Variants in FTCD observed in about 807,000 individuals in gnomAD.
The protein encoded by FTCD is formimidoyltransferase-cyclodeaminase.
A neutral mutation model predicts 62.9 loss-of-function variants in FTCD; 76 were observed. The observed-to-expected ratio is 1.21, with a 90% confidence interval of 1.00 to 1.46. The LOEUF (loss-of-function observed/expected upper bound fraction) is 1.46, where lower values mean the gene tolerates loss of function less well. Among genes scored for constraint, FTCD ranks in the 40% most tolerant of loss-of-function variants. FTCD has a pLI of 0.00. For synonymous variants in FTCD, 397 were observed against 336.9 expected, an observed-to-expected ratio of 1.18 and a Z score of -1.95; for missense variants, 845 against 751.3, an observed-to-expected ratio of 1.12 and a Z score of -1.46.
intron 11 of FTCD, 85 bp from the exon 12 acceptor site, chr21:46,138,731 G>T: frequency 6.7e-7 from 1 of 1,503,630 alleles, no homozygotes. Context: ...GGCTGAGCAG[G>T]CTGCAGAAGC....
chr21:46,151,162 A>G (rs1424560129), intron 5 of FTCD, among the ~76,000 whole-genome samples: 1 of 152,076 alleles, frequency 6.6e-6, no homozygotes, highest in Non-Finnish European at 1.5e-5. Flanking sequence ...CGTGGAGGGA[A>G]AGGCCTGGGG....
intron 7 of FTCD, among the ~76,000 whole-genome samples, chr21:46,148,440 T>C (rs2079198100): frequency 6.6e-6 from 1 of 152,002 alleles, no homozygotes; most frequent in Admixed American, 6.6e-5. Flanking sequence ...GCCTGGGCAA[T>C]AGAGCAAAAC....
chr21:46,150,617 A>G, intron 5 of FTCD, 92 bp from the exon 6 acceptor site: 2 of 1,307,916 alleles, frequency 1.5e-6, no homozygotes, highest in Non-Finnish European at 2.2e-6. Context: ...CCCCAGCTGG[A>G]CGGGGAGGAG....
intron 7 of FTCD, among the ~76,000 whole-genome samples, chr21:46,147,145 G>A (rs900376145): frequency 1.3e-5 from 2 of 152,248 alleles, no homozygotes; most frequent in Non-Finnish European, 2.9e-5. Flanking sequence ...CCTGATGAGT[G>A]GGGGAGGTCT....
intron 10 of FTCD, among the ~76,000 whole-genome samples, chr21:46,144,965 T>C (rs1214242265): frequency 6.6e-6 from 1 of 151,758 alleles, no homozygotes; most frequent in East Asian, 2.0e-4. Context: ...CTGAAGATGG[T>C]GTTTCTGTCT....
Position 46,152,144 on chromosome 21 carries a change from GT to G in FTCD, c.368-165del. ...TCTCCGCCTTGGATGGATGCGGGTGGTCCCAGTGGACCCTCAGTGTGGGCCA... is the reference window on the plus strand; with the variant it reads ...TCTCCGCCTTGGATGGATGCGGGTGGCCCAGTGGACCCTCAGTGTGGGCCA... On this transcript the variant is annotated intron_variant, in intron 3 of 13. Coordinates refer to ENST00000397746, the MANE Select transcript of FTCD (RefSeq NM_206965.2). The G allele has an allele frequency of 5.1e-5, 30 of 592,958 alleles. 2 individuals are homozygous for G. The South Asian group carries it at 6.0e-4, about 12-fold the overall frequency. The allele number at this position is 592,958 out of a possible 1,614,324, so 36.7% of individuals were successfully genotyped here.
intron 8 of FTCD, 52 bp from the exon 9 acceptor site, chr21:46,145,999 G>A (rs1479436825): frequency 1.7e-6 from 2 of 1,151,862 alleles, no homozygotes; most frequent in East Asian, 2.7e-5. Context: ...TGGGGGGAGC[G>A]CAGTCCTCCC....
At chr21:46,146,397 G>T (rs546688664) in intron 7 of FTCD, 70 bp from the exon 8 acceptor site, 3 of 1,083,468 alleles carry the variant, frequency 2.8e-6, no homozygotes, top group South Asian at 2.7e-5. Flanking sequence ...CGGAACCCGC[G>T]GGTCCCACCC....
At position 46,138,730 on chromosome 21, in the gene FTCD, G is replaced by A. The variant is rs1342187625; in HGVS notation, c.1305-84C>T. On this transcript the variant is annotated intron_variant, in intron 11 of 13. Coordinates refer to ENST00000397746, the MANE Select transcript of FTCD (RefSeq NM_206965.2). ...CACTGCACCCCAACAGGGCTGAGCA[G>A]GCTGCAGAAGCGGGCGATGGGAAGT... 3.3e-6 allele frequency: 5 copies of A among 1,506,724 alleles called. No individual in the cohort carries two copies. In the South Asian group the frequency reaches 3.4e-5, roughly 10 times the overall value. The allele number at this position is 1,506,724 out of a possible 1,614,324, so 93.3% of individuals were successfully genotyped here.
At position 46,151,719 on chromosome 21, in the gene FTCD, C is replaced by T; in HGVS notation, c.475G>A (p.Ala159Thr). Residue 159 changes from alanine to threonine, a missense_variant, in exon 5 of 14, where the codon GCG (alanine) becomes ACG (threonine). Transcript: ENST00000397746. ...AAGGAGCTGGGACCAAAGTCGGGCG[C>T]CCAGTCGGCCTGCTGGAGCTGTGAG... ...LPKKLQQADW[A>T]PDFGPSSFVP... 1.2e-6 allele frequency: 2 copies of T among 1,612,930 alleles called. No individual in the cohort carries two copies. Among genetic ancestry groups the T allele is most frequent in the Non-Finnish European group, 1.7e-6 (2 of 1,179,982 alleles).
intron 12 of FTCD, among the ~76,000 whole-genome samples, chr21:46,137,676 GCCCAGGGACACTT>G (rs1187613606): frequency 6.6e-6 from 1 of 152,186 alleles, no homozygotes; most frequent in Admixed American, 6.5e-5. Flanking sequence ...CCCGCCCACT[GCCCAGGGACACTT>G]CCCAGGGACT....
At chr21:46,137,955 G>A (rs987631686) in intron 12 of FTCD, among the ~76,000 whole-genome samples, 4 of 152,182 alleles carry the variant, frequency 2.6e-5, no homozygotes, top group African/African-American at 9.7e-5. Flanking sequence ...GGAGCGCAGT[G>A]GTGTGATCAC....
intron 5 of FTCD, among the ~76,000 whole-genome samples, chr21:46,151,277 T>C (rs2079266751): frequency 6.6e-6 from 1 of 152,156 alleles, no homozygotes; most frequent in African/African-American, 2.4e-5. Flanking sequence ...TTCCCAGCAG[T>C]ATGGAAATGC....
Position 46,138,641 on chromosome 21 carries a change from G to T in FTCD, c.1310C>A (p.Thr437Lys). 1.9e-6 allele frequency: 3 copies of T among 1,595,150 alleles called. No homozygotes were observed. The highest frequency in any genetic ancestry group is 2.5e-6 in the Non-Finnish European group (3 of 1,177,660). The change falls in exon 12 of 14, where the codon ACG (threonine) becomes AAG (lysine). Residue 437 changes from threonine to lysine, a missense_variant. Physicochemically the swap from Thr to Lys is moderately conservative, Grantham distance 78 (BLOSUM62 -1). Transcript: ENST00000397746. ...CCTCAGACCCTCCTGTAGGGCCGCC[G>T]TGCGCCTGAAAGGAGCAAGAGGAGA... Reference protein sequence around the residue: ...KNTPEEKDRRTAALQEGLRRA... With the variant: ...KNTPEEKDRRKAALQEGLRRA...
intron 10 of FTCD, among the ~76,000 whole-genome samples, chr21:46,143,943 T>C (rs1398893559): frequency 6.6e-6 from 1 of 152,174 alleles, no homozygotes; most frequent in African/African-American, 2.4e-5. Flanking sequence ...TTCACTTTTA[T>C]GTTCCACTCT....
chr21:46,154,632 G>A lies in FTCD; in HGVS notation c.55-300C>T, dbSNP rs372671882. Among the ~76,000 whole-genome samples the A allele has an allele frequency of 1.4e-4, 22 of 152,356 alleles. No individual in the cohort carries two copies. The East Asian group carries it at 2.7e-3, about 19-fold the overall frequency. On this transcript the variant is annotated intron_variant, in intron 1 of 13. Coordinates refer to ENST00000397746, the MANE Select transcript of FTCD (RefSeq NM_206965.2). ...ACAGACAGATGCCAGAGACGTGGCC[G>A]GGGATCCAAGAAGGTGACCACAGGC...
At chr21:46,140,250 A>G (rs1289695512) in intron 10 of FTCD, among the ~76,000 whole-genome samples, 1 of 149,702 alleles carries the variant, frequency 6.7e-6, no homozygotes, top group Non-Finnish European at 1.5e-5. Flanking sequence ...GCGTAAACCA[A>G]TGCAGCACTC....
chr21:46,144,044 A>G (rs143529194), intron 10 of FTCD, among the ~76,000 whole-genome samples: 238 of 152,162 alleles, frequency 1.6e-3, no homozygotes, highest in African/African-American at 5.3e-3. Context: ...AAAAAAAATG[A>G]TGTGAGCTGT....
chr21:46,144,123 G>A (rs1403492398), intron 10 of FTCD, among the ~76,000 whole-genome samples: 2 of 151,770 alleles, frequency 1.3e-5, no homozygotes, highest in Non-Finnish European at 2.9e-5. Context: ...TGACTCACGT[G>A]ACCTTATCAA....
Sources: allele counts gnomAD v4.1 joint callset (sites outside exome capture counted in the v4.1 genomes callset), GRCh38; gene constraint gnomAD v4.1.1; transcripts MANE v1.5; gene names NCBI Gene and HGNC (gene_info 2026-07-23, HGNC 2026-07-21).